Variants in ANKRD44 observed in about 807,000 individuals in gnomAD.
The protein encoded by ANKRD44 is serine/threonine-protein phosphatase 6 regulatory ankyrin repeat subunit B.
In ANKRD44, 35 loss-of-function variants were observed where a neutral mutation model predicts 116.0. The observed-to-expected ratio is 0.30, with a 90% CI of 0.23 to 0.40. ANKRD44 has a LOEUF of 0.40. ANKRD44 is among the 10% of genes least tolerant of loss of function. ANKRD44 has a pLI of 1.00. For synonymous variants in ANKRD44, 435 were observed against 461.8 expected (o/e 0.94, Z 0.74); for missense variants, 1,014 against 1,242.6 (o/e 0.82, Z 2.77).
chr2:197,242,709 C>T (rs941730537), intron 1 of ANKRD44, among the ~76,000 whole-genome samples: 3 of 152,312 alleles, frequency 2.0e-5, no homozygotes. Flanking sequence ...GTTAACAGGA[C>T]ACTCTAGTCT....
chr2:197,207,467 T>A (rs912767561), intron 1 of ANKRD44, among the ~76,000 whole-genome samples: 2 of 152,218 alleles, frequency 1.3e-5, no homozygotes, highest in Non-Finnish European at 2.9e-5. Context: ...ACCTCTCAGA[T>A]GACCCCTCTG....
intron 16 of ANKRD44, among the ~76,000 whole-genome samples, chr2:197,050,109 G>C (rs531788613): frequency 4.3e-4 from 66 of 152,236 alleles, no homozygotes; most frequent in African/African-American, 1.6e-3. Flanking sequence ...GAAGGAAAAG[G>C]GGGCACCAGA....
At chr2:197,302,453 C>A (rs1052373725) in intron 1 of ANKRD44, 1 of 152,180 alleles carries the variant, frequency 6.6e-6, no homozygotes, top group Non-Finnish European at 1.5e-5. Flanking sequence ...ACTAAAACTA[C>A]ATAAAAATTA....
At chr2:197,077,027 TG>T (rs2077685005) in intron 16 of ANKRD44, among the ~76,000 whole-genome samples, 1 of 152,210 alleles carries the variant, frequency 6.6e-6, no homozygotes, top group Non-Finnish European at 1.5e-5. Flanking sequence ...CACCCAGTGG[TG>T]GGATTGCTGG....
rs111988389 is a variant in ANKRD44 at position 197,291,808 on chromosome 2, T to C, written c.27+18770A>G. The stretch of plus-strand genomic sequence containing the variant: ...CATTTACATTAGGTATTTCTCCAAA[T>C]GCTATCCCTCCCCCATCCCACCACC... On this transcript the variant is annotated intron_variant, in intron 1 of 27. Transcript: ENST00000282272. Among the ~76,000 whole-genome samples, 659 of 152,304 alleles carry C rather than the reference T, an allele frequency of 4.3e-3. 5 individuals are homozygous for C. Among genetic ancestry groups the C allele is most frequent in the African/African-American group, 0.015 (620 of 41,562 alleles).
intron 1 of ANKRD44, among the ~76,000 whole-genome samples, chr2:197,234,047 A>T (rs2081925641): frequency 6.6e-6 from 1 of 152,238 alleles, no homozygotes; most frequent in Non-Finnish European, 1.5e-5. Context: ...TAAATTTTTT[A>T]AAGTTTCAAA....
chr2:197,237,623 C>T (rs2082005090), intron 1 of ANKRD44, among the ~76,000 whole-genome samples: 3 of 152,208 alleles, frequency 2.0e-5, no homozygotes, highest in Admixed American at 2.0e-4. Flanking sequence ...AGCTAATATA[C>T]AACATGTAAA....
chr2:197,295,039 A>G (rs1017594557), intron 1 of ANKRD44, among the ~76,000 whole-genome samples: 2 of 152,214 alleles, frequency 1.3e-5, no homozygotes, highest in Non-Finnish European at 2.9e-5. Context: ...GCAGAGGGAA[A>G]AAAAAGTTGA....
At chr2:196,995,029 T>C (rs1438252241) in intron 26 of ANKRD44, 3 of 161,218 alleles carry the variant, frequency 1.9e-5, no homozygotes, top group Non-Finnish European at 4.1e-5. Context: ...CCAGTCAGAA[T>C]ACATAATGCT....
chr2:197,040,161 C>T lies in ANKRD44; in HGVS notation c.1651-14894G>A, dbSNP rs140395148. ...GGCTGAGGCAGGAGAATCACTTGAA[C>T]CCAGGAGGTAGAGGTTGCATTGAGC... On this transcript the variant is annotated intron_variant, in intron 16 of 27. Transcript: ENST00000282272. Among the ~76,000 whole-genome samples, 1,311 of 151,896 alleles carry T rather than the reference C, an allele frequency of 8.6e-3. 14 individuals carry two copies. The highest frequency in any genetic ancestry group is 0.027 in the Middle Eastern group (8 of 292).
chr2:197,030,167 G>C (rs1417102708), intron 16 of ANKRD44: 1 of 152,446 alleles, frequency 6.6e-6, no homozygotes, highest in Non-Finnish European at 1.5e-5. Flanking sequence ...AGAGTTATCT[G>C]GCAAAAACGT....
intron 1 of ANKRD44, among the ~76,000 whole-genome samples, chr2:197,279,009 T>G (rs991812719): frequency 6.6e-6 from 1 of 152,206 alleles, no homozygotes; most frequent in Non-Finnish European, 1.5e-5. Context: ...TGGGCTCTCA[T>G]GTGTTGTGAG....
At chr2:197,223,513 T>C (rs1405627134) in intron 1 of ANKRD44, among the ~76,000 whole-genome samples, 2 of 152,242 alleles carry the variant, frequency 1.3e-5, no homozygotes, top group Non-Finnish European at 2.9e-5. Flanking sequence ...TAGTATTCCA[T>C]TGCACGCAAA....
chr2:197,153,991 T>C (rs1171445352), intron 2 of ANKRD44, among the ~76,000 whole-genome samples: 4 of 152,114 alleles, frequency 2.6e-5, no homozygotes, highest in Non-Finnish European at 1.5e-5. Context: ...CATGTGAGAA[T>C]TTCTCTGAAG....
intron 17 of ANKRD44, among the ~76,000 whole-genome samples, chr2:197,022,725 G>A (rs1056672011): frequency 6.6e-6 from 1 of 152,010 alleles, no homozygotes; most frequent in South Asian, 2.1e-4. Context: ...CTGGCCAGGT[G>A]CAGCAGCTCA....
intron 16 of ANKRD44, among the ~76,000 whole-genome samples, chr2:197,059,681 A>T (rs755782442): frequency 6.6e-6 from 1 of 152,222 alleles, no homozygotes; most frequent in Non-Finnish European, 1.5e-5. Flanking sequence ...ATCTTTTATG[A>T]ATGGCTGCTC....
At chr2:197,046,785 C>T (rs1164887794) in intron 16 of ANKRD44, among the ~76,000 whole-genome samples, 1 of 152,138 alleles carries the variant, frequency 6.6e-6, no homozygotes, top group East Asian at 1.9e-4. Flanking sequence ...TAAATCTTTA[C>T]TGTACTCATC....
rs568358820 is a variant in ANKRD44, at chr2:196,989,037, G to A, written c.*554C>T. ...AGATGCGTAGCCCTCTCTAACCAAC[G>A]CGGAAGAACCTGAGGGTCATCTGGA... is the stretch of plus-strand genomic sequence containing the variant. On this transcript the variant is annotated 3_prime_UTR_variant, in exon 28 of 28. Transcript: ENST00000282272. 34 of 985,406 alleles carry A rather than the reference G, an allele frequency of 3.5e-5. No individual in the cohort carries two copies. Among genetic ancestry groups the A allele is most frequent in the African/African-American group, 2.1e-4 (12 of 57,334 alleles). 61.0% of individuals were successfully genotyped at this position (985,406 alleles called of 1,614,324 possible). A position where few individuals can be genotyped will look rare whatever the true frequency, so the allele number is the denominator to read the frequency against.
At chr2:197,064,314 AAAG>A (rs1401825406) in intron 16 of ANKRD44, among the ~76,000 whole-genome samples, 5 of 152,234 alleles carry the variant, frequency 3.3e-5, no homozygotes, top group African/African-American at 9.6e-5. Context: ...CTAAACATGG[AAAG>A]GAACAACCGG....
Sources: gnomAD v4.1 joint callset for allele counts (sites outside exome capture counted in the v4.1 genomes callset) on GRCh38, gnomAD v4.1.1 for gene constraint, MANE v1.5 for transcripts, NCBI Gene and HGNC (gene_info 2026-07-23, HGNC 2026-07-21) for gene names.